RTN4: variants seen among roughly 807,000 people sequenced by gnomAD.
The protein encoded by RTN4 is reticulon 4.
In RTN4, 32 loss-of-function variants were observed where a neutral mutation model predicts 90.4. The observed-to-expected ratio is 0.35, with a 90% CI of 0.27 to 0.48. The LOEUF (loss-of-function observed/expected upper bound fraction) is 0.48. Among genes scored for constraint, RTN4 ranks in the 20% least tolerant of loss-of-function variants. RTN4 has a pLI of 0.99. For missense variants in RTN4, 1,706 were observed against 1,430.2 expected (o/e 1.19, Z -3.11); for synonymous variants, 629 against 552.5 (o/e 1.14, Z -1.94).
intron 2 of RTN4, among the ~76,000 whole-genome samples, chr2:55,072,669 G>C (rs1668537455): frequency 6.6e-6 from 1 of 152,098 alleles, no homozygotes; most frequent in African/African-American, 2.4e-5. Flanking sequence ...CCATCTTGCT[G>C]TTCTAGATAT....
At chr2:55,090,712 T>C (rs1668920739) in intron 1 of RTN4, among the ~76,000 whole-genome samples, 1 of 152,156 alleles carries the variant, frequency 6.6e-6, no homozygotes. Context: ...TGACCCAGGG[T>C]CCAATTGCTC....
chr2:54,983,582 C>A (rs536895840), intron 4 of RTN4, among the ~76,000 whole-genome samples: 2 of 152,162 alleles, frequency 1.3e-5, no homozygotes, highest in Non-Finnish European at 2.9e-5. Context: ...AGTTTTACCT[C>A]TGCAACATGC....
chr2:54,987,435 A>T, intron 4 of RTN4, 56 bp downstream of exon 4: 2 of 1,252,870 alleles, frequency 1.6e-6, no homozygotes, highest in Non-Finnish European at 2.4e-6. Flanking sequence ...TGAAGTCTTA[A>T]TACCAATCCT....
At chr2:55,090,210 G>A (rs75959646) in intron 1 of RTN4, among the ~76,000 whole-genome samples, 3 of 152,240 alleles carry the variant, frequency 2.0e-5, no homozygotes, top group Non-Finnish European at 2.9e-5. Flanking sequence ...CAGTATCTGC[G>A]AATAGGAGGT....
chr2:55,023,297 C>T (rs1345926442), intron 3 of RTN4, among the ~76,000 whole-genome samples: 3 of 152,136 alleles, frequency 2.0e-5, no homozygotes, highest in Non-Finnish European at 4.4e-5. Flanking sequence ...TTTAGACCAC[C>T]TTTCAACCTT....
In RTN4 at chr2:55,050,033, G is replaced by C. The variant is rs755201346; in HGVS notation, c.268C>G (p.Pro90Ala). 11 of 1,398,326 alleles carry C rather than the reference G, an allele frequency of 7.9e-6. No individual in the cohort carries two copies. The African/African-American group carries it at 1.2e-4, about 15-fold the overall frequency. 86.6% of individuals were successfully genotyped at this position (1,398,326 alleles called of 1,614,324 possible). Reference sequence around the variant, plus strand: ...GGAGCGGCCGGCAGGGGTCCCCGGGGCGCCGGCGGCACGAAGTCATTTCCG... The same window carrying C: ...GGAGCGGCCGGCAGGGGTCCCCGGGCCGCCGGCGGCACGAAGTCATTTCCG... ...DFGNDFVPPA[P>A]RGPLPAAPPV... The change falls in exon 1 of 9, where the codon CCC becomes GCC. Residue 90 changes from proline to alanine, a missense_variant. Coordinates refer to ENST00000337526, the MANE Select transcript of RTN4 (RefSeq NM_020532.5). The surrounding 1 kb of genome is among the most constrained non-coding windows in gnomAD (Gnocchi z 4.6).
At chr2:55,100,224 T>C (rs1399557438) in intron 1 of RTN4, among the ~76,000 whole-genome samples, 1 of 152,054 alleles carries the variant, frequency 6.6e-6, no homozygotes, top group Non-Finnish European at 1.5e-5. Context: ...TGGCTAGGAG[T>C]GACCCCACTA....
intron 3 of RTN4, among the ~76,000 whole-genome samples, chr2:54,988,834 G>C (rs185605472): frequency 6.6e-6 from 1 of 152,314 alleles, no homozygotes; most frequent in Admixed American, 6.5e-5. Context: ...GGCCACTGAG[G>C]GGATCAAGTA....
At chr2:55,087,911 A>C (rs1668873273) in intron 1 of RTN4, among the ~76,000 whole-genome samples, 1 of 152,222 alleles carries the variant, frequency 6.6e-6, no homozygotes, top group African/African-American at 2.4e-5. Flanking sequence ...TTCTTAAATA[A>C]GTTTTCCAAA....
At chr2:55,049,560 G>C in intron 1 of RTN4, 185 bp downstream of exon 1, 1 of 950,200 alleles carries the variant, frequency 1.1e-6, no homozygotes, top group Non-Finnish European at 1.6e-6. Flanking sequence ...GAACAAACCC[G>C]GGCTCCAAGG....
chr2:55,134,493 C>T, the RTN4 span, among the ~76,000 whole-genome samples: 8 of 152,198 alleles, frequency 5.3e-5, no homozygotes, highest in Admixed American at 5.2e-4. Context: ...GAGGCTGATG[C>T]CCACCCAGCA....
chr2:54,973,699 T>A, intron 7 of RTN4, 78 bp from the exon 8 acceptor site: 2 of 1,500,196 alleles, frequency 1.3e-6, no homozygotes, highest in Non-Finnish European at 1.9e-6. Flanking sequence ...AGCTAAAGGC[T>A]TAAGAAACCA....
At chr2:55,013,891 T>C (rs1680835166) in intron 3 of RTN4, among the ~76,000 whole-genome samples, 1 of 152,198 alleles carries the variant, frequency 6.6e-6, no homozygotes. Flanking sequence ...TTGAAAATGC[T>C]ACTCTGAAAG....
chr2:55,136,556 T>C, the RTN4 span, among the ~76,000 whole-genome samples: 1 of 152,216 alleles, frequency 6.6e-6, no homozygotes, highest in Admixed American at 6.5e-5. Flanking sequence ...CACCACACCT[T>C]ATGTCCCTCA....
chr2:55,094,243 C>T (rs1452303188), intron 1 of RTN4, among the ~76,000 whole-genome samples: 1 of 152,164 alleles, frequency 6.6e-6, no homozygotes, highest in Non-Finnish European at 1.5e-5. Context: ...AGTGAGAAGG[C>T]AGCTGTCTGC....
chr2:55,125,545 G>A, the RTN4 span, among the ~76,000 whole-genome samples: 1 of 152,096 alleles, frequency 6.6e-6, no homozygotes, highest in Non-Finnish European at 1.5e-5. Flanking sequence ...GCAGGCAGAT[G>A]ACTTGAGGTT....
At chr2:54,978,066 A>G (rs1332911022) in intron 5 of RTN4, among the ~76,000 whole-genome samples, 2 of 152,218 alleles carry the variant, frequency 1.3e-5, no homozygotes, top group Admixed American at 1.3e-4. Flanking sequence ...AGCAAGGAAA[A>G]GGTTTCACAT....
chr2:55,024,303 C>T (rs1450740841), intron 3 of RTN4, among the ~76,000 whole-genome samples: 1 of 152,160 alleles, frequency 6.6e-6, no homozygotes, highest in Non-Finnish European at 1.5e-5. Context: ...TCTCCTCTTT[C>T]TTAGATTACA....
chr2:55,025,959 C>T lies in RTN4; in HGVS notation c.2140G>A (p.Asp714Asn). 1 of 1,612,984 alleles carries T rather than the reference C, an allele frequency of 6.2e-7. No homozygotes were observed. Among genetic ancestry groups the T allele is most frequent in the Non-Finnish European group, 8.5e-7 (1 of 1,179,812 alleles). ...ETKLSAEPAP[D>N]FSDYSEMAKV... is the part of the protein sequence containing the mutation. Reference sequence around the variant, plus strand: ...GCCATTTCTGAATAATCAGAGAAATCCGGAGCTGGTTCAGCAGAAAGCTTT... The same window carrying T: ...GCCATTTCTGAATAATCAGAGAAATTCGGAGCTGGTTCAGCAGAAAGCTTT... The change falls in exon 3 of 9, where the codon GAT becomes AAT. Residue 714 changes from aspartate (D) to asparagine (N), a missense_variant. Transcript: ENST00000337526.
Sources: gnomAD v4.1 joint callset for allele counts (sites outside exome capture counted in the v4.1 genomes callset) on GRCh38, gnomAD v4.1.1 for gene constraint, Gnocchi (gnomAD v3.1) non-coding constraint, MANE v1.5 for transcripts, NCBI Gene and HGNC (gene_info 2026-07-23, HGNC 2026-07-21) for gene names.